The following FIG4 variants were observed in gnomAD, a reference collection of about 807,000 sequenced individuals.
FIG4 encodes polyphosphoinositide phosphatase.
A neutral mutation model predicts 118.6 loss-of-function variants in FIG4; 112 were observed. That is an observed-to-expected ratio of 0.94 (90% CI 0.81 to 1.11). The LOEUF (loss-of-function observed/expected upper bound fraction) is 1.11. Ranked by LOEUF, FIG4 falls within the 50% of genes least tolerant of loss-of-function variation. The pLI is 0.00. For synonymous variants in FIG4, 369 were observed against 381.2 expected (o/e 0.97, Z 0.37); for missense variants, 969 against 1,111.7 (o/e 0.87, Z 1.83).
chr6:109,766,718 TC>T lies in FIG4; in HGVS notation c.1584-10del. On this transcript the variant is annotated splice_polypyrimidine_tract_variant and intron_variant, in intron 14 of 22. Coordinates refer to ENST00000230124, the MANE Select transcript of FIG4 (RefSeq NM_014845.6). ...TGGTGAAATTCTTTAATCGGGTTTTTCTTTTTTTAGGTTATTTGAGGAACTC... is the reference window on the plus strand; with the variant it reads ...TGGTGAAATTCTTTAATCGGGTTTTTTTTTTTTAGGTTATTTGAGGAACTC... 2 of 1,612,788 alleles carry T rather than the reference TC, an allele frequency of 1.2e-6. No individual in the cohort carries two copies. Among genetic ancestry groups the T allele is most frequent in the Non-Finnish European group, 1.7e-6 (2 of 1,178,836 alleles).
At chr6:109,692,891 A>G (rs1258027546) in intron 1 of FIG4, among the ~76,000 whole-genome samples, 1 of 152,118 alleles carries the variant, frequency 6.6e-6, no homozygotes, top group Non-Finnish European at 1.5e-5. Flanking sequence ...AATAAAAGAC[A>G]GGGATTCTCC....
chr6:109,815,758 A>G (rs895405993), intron 22 of FIG4, among the ~76,000 whole-genome samples: 1 of 151,938 alleles, frequency 6.6e-6, no homozygotes, highest in South Asian at 2.1e-4. Context: ...TTACACTGGC[A>G]TATTTTAGGA....
intron 3 of FIG4, among the ~76,000 whole-genome samples, chr6:109,721,998 A>G (rs1775626631): frequency 6.6e-6 from 1 of 152,196 alleles, no homozygotes; most frequent in Non-Finnish European, 1.5e-5. Flanking sequence ...AGCAAGAATA[A>G]AAGGAAAACT....
Position 109,757,498 on chromosome 6 carries a change from C to T in FIG4, c.1138-2752C>T, listed in dbSNP as rs1050461374. Among the ~76,000 whole-genome samples, 6 of 152,194 alleles carry T rather than the reference C, an allele frequency of 3.9e-5. No homozygotes were observed. In the South Asian group the frequency reaches 1.0e-3, roughly 26 times the overall value. On this transcript the variant is annotated intron_variant, in intron 10 of 22. Coordinates refer to ENST00000230124, the MANE Select transcript of FIG4 (RefSeq NM_014845.6). ...AGAGCTATTTGTAACAAACCCACAGCCAATATCATACTGAATGGGCAAAAG... is the reference window on the plus strand; with the variant it reads ...AGAGCTATTTGTAACAAACCCACAGTCAATATCATACTGAATGGGCAAAAG...
intron 1 of FIG4, among the ~76,000 whole-genome samples, chr6:109,707,003 C>G (rs982920078): frequency 7.9e-5 from 12 of 152,138 alleles, no homozygotes; most frequent in East Asian, 1.9e-4. Context: ...CTTTCTCTTC[C>G]TGTTTGCCTG....
At chr6:109,815,495 G>GCCCCA (rs1778835571) in intron 22 of FIG4, among the ~76,000 whole-genome samples, 1 of 89,158 alleles carries the variant, frequency 1.1e-5, no homozygotes, top group African/African-American at 3.5e-5. Context: ...ACTCCAGGCT[G>GCCCCA]CCCCCCCCAC....
intron 22 of FIG4, among the ~76,000 whole-genome samples, chr6:109,810,830 A>G (rs942131166): frequency 6.6e-6 from 1 of 152,188 alleles, no homozygotes; most frequent in African/African-American, 2.4e-5. Context: ...TTTTTGTCCC[A>G]GGAAAGATGC....
intron 3 of FIG4, among the ~76,000 whole-genome samples, chr6:109,724,092 G>A (rs1034972520): frequency 6.6e-6 from 1 of 151,960 alleles, no homozygotes; most frequent in Non-Finnish European, 1.5e-5. Context: ...ATTGGTTTTT[G>A]TTGTTGTTGT....
intron 1 of FIG4, among the ~76,000 whole-genome samples, chr6:109,708,556 A>G (rs925930541): frequency 2.0e-5 from 3 of 152,236 alleles, no homozygotes; most frequent in Admixed American, 1.3e-4. Flanking sequence ...TGTCTTCTAC[A>G]ATGGTTCAAC....
chr6:109,800,738 G>A (rs544259097), intron 22 of FIG4, among the ~76,000 whole-genome samples: 2 of 152,224 alleles, frequency 1.3e-5, no homozygotes, highest in Non-Finnish European at 2.9e-5. Context: ...TTTCAAGGGG[G>A]CATCCTTGAA....
chr6:109,811,185 A>G (rs1385999858), intron 22 of FIG4, among the ~76,000 whole-genome samples: 1 of 152,212 alleles, frequency 6.6e-6, no homozygotes, highest in Non-Finnish European at 1.5e-5. Context: ...AATCACTGTC[A>G]AGTGAAGCAG....
intron 4 of FIG4, among the ~76,000 whole-genome samples, chr6:109,729,971 A>G (rs954568227): frequency 2.6e-5 from 4 of 152,124 alleles, no homozygotes; most frequent in African/African-American, 7.2e-5. Flanking sequence ...TTAAATCTCT[A>G]CATAATTGGA....
intron 22 of FIG4, among the ~76,000 whole-genome samples, chr6:109,822,385 T>G (rs1056706030): frequency 2.6e-5 from 4 of 152,180 alleles, no homozygotes; most frequent in African/African-American, 9.7e-5. Flanking sequence ...AAAGCACTGG[T>G]AAATCTGAAA....
intron 15 of FIG4, among the ~76,000 whole-genome samples, chr6:109,775,069 A>G (rs906047217): frequency 6.6e-6 from 1 of 152,168 alleles, no homozygotes; most frequent in Non-Finnish European, 1.5e-5. Flanking sequence ...TTTGAATGGT[A>G]TTTGGTGCAT....
At chr6:109,753,774 T>C (rs2128389389) in intron 10 of FIG4, among the ~76,000 whole-genome samples, 1 of 152,236 alleles carries the variant, frequency 6.6e-6, no homozygotes, top group Non-Finnish European at 1.5e-5. Flanking sequence ...GCTTGTGATT[T>C]TTGTACATTG....
intron 22 of FIG4, among the ~76,000 whole-genome samples, chr6:109,810,801 AC>A (rs1440821905): frequency 6.6e-6 from 1 of 152,210 alleles, no homozygotes; most frequent in Non-Finnish European, 1.5e-5. Context: ...ACAGAAAAAT[AC>A]GTTCTGAAAA....
intron 10 of FIG4, among the ~76,000 whole-genome samples, chr6:109,752,039 C>T (rs1254849936): frequency 7.5e-6 from 1 of 133,228 alleles, no homozygotes; most frequent in Non-Finnish European, 1.5e-5. Context: ...CTTCCTGTGT[C>T]CATGTGTTCT....
rs1776228092 is a variant in FIG4, at chr6:109,738,466, A to G, written c.775+13A>G. On this transcript the variant is annotated intron_variant, in intron 7 of 22. Coordinates refer to ENST00000230124, the MANE Select transcript of FIG4 (RefSeq NM_014845.6). ...TGTGGGCAGTCAAGTATCCTTTCTG[A>G]AGAAAAAGTAAGATACATATTACTA... 6.2e-7 allele frequency: 1 copy of G among 1,608,050 alleles called. No individual in the cohort carries two copies. The highest frequency in any genetic ancestry group is 8.5e-7 in the Non-Finnish European group (1 of 1,175,002).
At chr6:109,817,673 T>C (rs1241594562) in intron 22 of FIG4, among the ~76,000 whole-genome samples, 2 of 152,148 alleles carry the variant, frequency 1.3e-5, no homozygotes, top group Non-Finnish European at 2.9e-5. Flanking sequence ...CTCATATATG[T>C]GCGTATGGCA....
Sources: gnomAD v4.1 joint callset for allele counts (sites outside exome capture counted in the v4.1 genomes callset) on GRCh38, gnomAD v4.1.1 for gene constraint, MANE v1.5 for transcripts, NCBI Gene and HGNC (gene_info 2026-07-23, HGNC 2026-07-21) for gene names.